The following NCK2 variants were observed in gnomAD, a reference collection of about 807,000 sequenced individuals.
The protein encoded by NCK2 is cytoplasmic protein NCK2.
A neutral mutation model predicts 33.9 loss-of-function variants in NCK2; 16 were observed. That is an observed-to-expected ratio of 0.47 (90% CI 0.32 to 0.72). The LOEUF is 0.72. Among genes scored for constraint, NCK2 ranks in the 30% least tolerant of loss-of-function variants. The pLI is 0.03. For synonymous variants in NCK2, 273 were observed against 239.9 expected, an observed-to-expected ratio of 1.14 and a Z score of -1.27; for missense variants, 418 against 537.3, an observed-to-expected ratio of 0.78 and a Z score of 2.19.
At chr2:105,781,413 C>T (rs1558834118) in intron 1 of NCK2, among the ~76,000 whole-genome samples, 1 of 152,212 alleles carries the variant, frequency 6.6e-6, no homozygotes, top group Non-Finnish European at 1.5e-5. Context: ...TGCAATCTCC[C>T]TTTTGAAGCC....
At chr2:105,863,024 C>T (rs188818545) in intron 3 of NCK2, among the ~76,000 whole-genome samples, 5 of 151,930 alleles carry the variant, frequency 3.3e-5, no homozygotes, top group East Asian at 1.9e-4. Context: ...CAGATGTCAA[C>T]GTGCCCAGCT....
chr2:105,893,233 C>T lies in NCK2; in HGVS notation c.*57C>T. 6.7e-7 allele frequency: 1 copy of T among 1,490,242 alleles called. No homozygotes were observed. Among genetic ancestry groups the T allele is most frequent in the Non-Finnish European group, 9.0e-7 (1 of 1,110,822 alleles). The allele number at this position is 1,490,242 out of a possible 1,614,324, so 92.3% of individuals were successfully genotyped here. On this transcript the variant is annotated 3_prime_UTR_variant, in exon 5 of 5. Transcript: ENST00000233154. ...CCCCACGGTGGAGCTGCCCGCCCGGCCTTGTGGCAGAGGCTCCTCCCGCGG... is the reference window on the plus strand; with the variant it reads ...CCCCACGGTGGAGCTGCCCGCCCGGTCTTGTGGCAGAGGCTCCTCCCGCGG...
chr2:105,833,426 GTTA>G (rs1676273872), intron 2 of NCK2, among the ~76,000 whole-genome samples: 1 of 152,116 alleles, frequency 6.6e-6, no homozygotes, highest in Admixed American at 6.6e-5. Flanking sequence ...TTGTCAGCAA[GTTA>G]TGTGTGTCTA....
At position 105,835,393 on chromosome 2, in the gene NCK2, A is replaced by ATATATATATATATATATATGTGTG. The variant is rs371518634; in HGVS notation, c.-17+18792_-17+18793insTATATATGTGTGTATATATATATA. On this transcript the variant is annotated intron_variant, in intron 2 of 4. Coordinates refer to ENST00000233154, the MANE Select transcript of NCK2 (RefSeq NM_003581.5). ...TATATATACATATATATACACATAT[A>ATATATATATATATATATATGTGTG]TATATATATATACGTGTATATATAT... 6.8e-3 allele frequency among the ~76,000 whole-genome samples: 349 copies of ATATATATATATATATATATGTGTG among 51,666 alleles called. 43 individuals carry two copies. The East Asian group carries it at 0.072, about 11-fold the overall frequency. The allele number at this position is 51,666 out of a possible 152,430, so 33.9% of individuals were successfully genotyped here. A position where few individuals can be genotyped will look rare whatever the true frequency, so the allele number is the denominator to read the frequency against.
At chr2:105,744,865 T>TCGTCGCCGC (rs1689209583), upstream of NCK2, 6 of 153,972 alleles carry the variant, frequency 3.9e-5, no homozygotes, top group South Asian at 9.0e-4. Context: ...CGGGGGAGGG[T>TCGTCGCCGC]CGCCGCCGCC....
chr2:105,827,900 T>C (rs773797530), intron 2 of NCK2, among the ~76,000 whole-genome samples: 12 of 152,162 alleles, frequency 7.9e-5, no homozygotes, highest in Non-Finnish European at 1.3e-4. Context: ...ATGGTGGTTA[T>C]AGGAGTTTAC....
chr2:105,889,737 C>T (rs772176002), intron 4 of NCK2, among the ~76,000 whole-genome samples: 1 of 152,064 alleles, frequency 6.6e-6, no homozygotes, highest in African/African-American at 2.4e-5. Flanking sequence ...GTATGCATCA[C>T]CACACCTGGC....
At chr2:105,747,236 T>G (rs562506396) in intron 1 of NCK2, among the ~76,000 whole-genome samples, 2 of 152,342 alleles carry the variant, frequency 1.3e-5, no homozygotes, top group South Asian at 4.1e-4. Flanking sequence ...TATTTAGCTT[T>G]TCCAACAAAC....
intron 1 of NCK2, among the ~76,000 whole-genome samples, chr2:105,802,886 TCTG>T (rs1211790849): frequency 2.0e-5 from 3 of 152,082 alleles, no homozygotes; most frequent in Non-Finnish European, 4.4e-5. Context: ...GTCTGTTTCA[TCTG>T]CTGCTTTCTC....
intron 1 of NCK2, among the ~76,000 whole-genome samples, chr2:105,787,786 CAGTG>C (rs1290385517): frequency 6.6e-6 from 1 of 152,184 alleles, no homozygotes; most frequent in African/African-American, 2.4e-5. Context: ...TTCTTGATGA[CAGTG>C]AGGGAATGGG....
chr2:105,870,611 C>T (rs572970733), intron 3 of NCK2, among the ~76,000 whole-genome samples: 2 of 152,150 alleles, frequency 1.3e-5, no homozygotes, highest in East Asian at 3.9e-4. Context: ...TAAAAATTAG[C>T]CAGGGTGGTG....
At chr2:105,875,149 T>A (rs1162275617) in intron 3 of NCK2, among the ~76,000 whole-genome samples, 1 of 152,230 alleles carries the variant, frequency 6.6e-6, no homozygotes, top group Non-Finnish European at 1.5e-5. Context: ...CACTCCTTGC[T>A]GTCCATCTTG....
At chr2:105,882,167 G>A in intron 4 of NCK2, 118 bp downstream of exon 4, 1 of 1,170,264 alleles carries the variant, frequency 8.5e-7, no homozygotes. Context: ...GGGAGACGCA[G>A]ATGAATGCAA....
chr2:105,813,537 G>A (rs1244455868), intron 1 of NCK2, among the ~76,000 whole-genome samples: 1 of 152,220 alleles, frequency 6.6e-6, no homozygotes, highest in African/African-American at 2.4e-5. Context: ...ATAGTTGGAG[G>A]AAACCAGCCC....
chr2:105,791,786 C>T (rs888840117), intron 1 of NCK2, among the ~76,000 whole-genome samples: 4 of 152,020 alleles, frequency 2.6e-5, no homozygotes, highest in African/African-American at 7.3e-5. Context: ...CGCAGCTGCT[C>T]GTGGTGGTTG....
chr2:105,762,176 A>G (rs1689785172), intron 1 of NCK2, among the ~76,000 whole-genome samples: 1 of 152,154 alleles, frequency 6.6e-6, no homozygotes, highest in Non-Finnish European at 1.5e-5. Flanking sequence ...TGTGAGAAGC[A>G]CAGTTTCTGT....
intron 1 of NCK2, among the ~76,000 whole-genome samples, chr2:105,805,220 A>G (rs1674987358): frequency 6.6e-6 from 1 of 152,226 alleles, no homozygotes; most frequent in South Asian, 2.1e-4. Context: ...ATTTGATTGC[A>G]CGATGGCATT....
At chr2:105,769,127 TG>T (rs1690043228) in intron 1 of NCK2, among the ~76,000 whole-genome samples, 1 of 152,216 alleles carries the variant, frequency 6.6e-6, no homozygotes, top group Non-Finnish European at 1.5e-5. Flanking sequence ...TGTGGTGCAC[TG>T]GGGCTCTCTA....
chr2:105,881,650 C>G lies in NCK2; in HGVS notation c.549C>G (p.Arg183=), dbSNP rs1384589200. 3 of 1,613,134 alleles carry G rather than the reference C, an allele frequency of 1.9e-6. No individual in the cohort carries two copies. The highest frequency in any genetic ancestry group is 1.1e-5 in the South Asian group (1 of 91,026). Residue 183 remains arginine (R), a synonymous_variant, in exon 4 of 5, where the codon CGC becomes CGG. Transcript: ENST00000233154. ...AAESPSFLSL[R]KGASLSNGQG... is the part of the protein sequence containing the mutation. ...AGTCCCCAAGCTTCCTGAGCCTGCG[C>G]AAGGGCGCCTCGCTGAGCAATGGCC...
Sources: allele counts gnomAD v4.1 joint callset (sites outside exome capture counted in the v4.1 genomes callset), GRCh38; gene constraint gnomAD v4.1.1; transcripts MANE v1.5; gene names NCBI Gene and HGNC (gene_info 2026-07-23, HGNC 2026-07-21).